Variants in BRSK2 observed in about 807,000 individuals in gnomAD.
BRSK2 encodes serine/threonine-protein kinase BRSK2.
In BRSK2, 19 loss-of-function variants were observed where a neutral mutation model predicts 83.3. The observed-to-expected ratio is 0.23, with a 90% confidence interval of 0.16 to 0.33. BRSK2 has a LOEUF of 0.33. Among genes scored for constraint, BRSK2 ranks in the 10% least tolerant of loss-of-function variants. The pLI, the probability that BRSK2 is intolerant of heterozygous loss-of-function variation, is 1.00. For missense variants in BRSK2, 798 were observed against 1,042.3 expected (o/e 0.77, Z 3.23); for synonymous variants, 519 against 435.4 (o/e 1.19, Z -2.39).
rs1387430689 is a variant in BRSK2, at chr11:1,444,976, G to A, written c.786G>A (p.Glu262=). The change falls in exon 9 of 20, where the codon GAG becomes GAA. Residue 262 remains glutamate (E), a synonymous_variant. Coordinates refer to ENST00000528841, the MANE Select transcript of BRSK2 (RefSeq NM_001256627.2). ...EVDAARRLTL[E]HIQKHIWYIG... ...CTGTTTCTCTTTCCTTGTAGCTAGA[G>A]CACATTCAGAAACACATATGGTATA... 1.9e-6 allele frequency: 3 copies of A among 1,613,146 alleles called. No homozygotes were observed. Among genetic ancestry groups the A allele is most frequent in the African/African-American group, 1.3e-5 (1 of 75,022 alleles).
intron 5 of BRSK2, 68 bp from the exon 6 acceptor site, chr11:1,443,038 C>T: frequency 6.7e-7 from 1 of 1,500,132 alleles, no homozygotes; most frequent in Non-Finnish European, 8.9e-7. Context: ...CTGCGGTGCA[C>T]CATCACCCTG....
chr11:1,426,598 G>A (rs183988015), intron 1 of BRSK2, among the ~76,000 whole-genome samples: 3 of 152,100 alleles, frequency 2.0e-5, no homozygotes, highest in African/African-American at 2.4e-5. Context: ...TGAAGGTGCC[G>A]CGTGTCTTCT....
Position 1,456,621 on chromosome 11 carries a change from G to A in BRSK2, c.1873G>A (p.Val625Met). 2 of 1,611,294 alleles carry A rather than the reference G, an allele frequency of 1.2e-6. No individual in the cohort carries two copies. The highest frequency in any genetic ancestry group is 1.7e-6 in the Non-Finnish European group (2 of 1,179,454). The change falls in exon 18 of 20, where the codon GTG becomes ATG. Residue 625 changes from valine (V) to methionine (M), a missense_variant. By Grantham distance (21) the Val-to-Met change is conservative. Coordinates refer to ENST00000528841, the MANE Select transcript of BRSK2 (RefSeq NM_001256627.2). ...LSGPSRRFKR[V>M]VETIQAQLLS... The stretch of plus-strand genomic sequence containing the variant: ...AGGCCCCAGCCGTCGCTTCAAGAGG[G>A]TGGTGGAGACCATCCAGGCCCAGCT...
chr11:1,445,493 G>T, intron 10 of BRSK2, 35 bp downstream of exon 10: 1 of 1,609,330 alleles, frequency 6.2e-7, no homozygotes, highest in Non-Finnish European at 8.5e-7. Context: ...GGGGCACGGG[G>T]CCTGAGGTGG....
chr11:1,446,704 G>A (rs1240342219), intron 12 of BRSK2, among the ~76,000 whole-genome samples: 1 of 152,228 alleles, frequency 6.6e-6, no homozygotes, highest in East Asian at 1.9e-4. Flanking sequence ...GAGGCCCTCA[G>A]CAAATCCTTG....
At chr11:1,415,074 A>G (rs1847953193) in intron 1 of BRSK2, among the ~76,000 whole-genome samples, 1 of 147,190 alleles carries the variant, frequency 6.8e-6, no homozygotes, top group Non-Finnish European at 1.5e-5. Context: ...TAGACCTCAG[A>G]GTGGTAATTC....
intron 1 of BRSK2, chr11:1,411,577 C>T (rs774172139): frequency 2.8e-5 from 44 of 1,583,034 alleles, no homozygotes; most frequent in South Asian, 4.5e-5. Context: ...CTGCTCCAGC[C>T]GCACCTCCAC....
chr11:1,454,695 AG>A lies in BRSK2; in HGVS notation c.1668+89del. 2.0e-6 allele frequency: 3 copies of A among 1,534,148 alleles called. No individual in the cohort carries two copies. Among genetic ancestry groups the A allele is most frequent in the Non-Finnish European group, 2.7e-6 (3 of 1,125,432 alleles). ...GAGAATCCAGCCTCCTCACGTAGAC[AG>A]GACATGTCCACGCGCACAGCACGGA... On this transcript the variant is annotated intron_variant, in intron 16 of 19. Coordinates refer to ENST00000528841, the MANE Select transcript of BRSK2 (RefSeq NM_001256627.2). This position sits in a 1 kb window ranked among gnomAD's most constrained non-coding sequence, Gnocchi z 5.2.
chr11:1,460,018 C>T (rs942495495), intron 19 of BRSK2, among the ~76,000 whole-genome samples: 1 of 151,770 alleles, frequency 6.6e-6, no homozygotes, highest in Non-Finnish European at 1.5e-5. Context: ...TCAGAGCTCC[C>T]AGCAGGCCCT....
chr11:1,455,627 G>C (rs985415212), intron 16 of BRSK2, among the ~76,000 whole-genome samples: 2 of 152,018 alleles, frequency 1.3e-5, no homozygotes, highest in African/African-American at 4.8e-5. Context: ...CTTGGACCCT[G>C]GCCTCAGGGG....
At chr11:1,407,002 C>A (rs1846925210) in intron 1 of BRSK2, among the ~76,000 whole-genome samples, 1 of 152,164 alleles carries the variant, frequency 6.6e-6, no homozygotes, top group African/African-American at 2.4e-5. Flanking sequence ...GTCTGTGCAT[C>A]CTTGTCTGCC....
intron 18 of BRSK2, among the ~76,000 whole-genome samples, chr11:1,457,593 C>T (rs1448461704): frequency 2.0e-5 from 3 of 152,140 alleles, no homozygotes; most frequent in African/African-American, 2.4e-5. Context: ...TGCCTCTGAA[C>T]GCTGGTACGG....
At chr11:1,426,726 A>C (rs899386378) in intron 1 of BRSK2, among the ~76,000 whole-genome samples, 1 of 152,126 alleles carries the variant, frequency 6.6e-6, no homozygotes. Context: ...TGGGGGCAAC[A>C]GATGGGCCAG....
intron 1 of BRSK2, among the ~76,000 whole-genome samples, chr11:1,418,568 G>A: frequency 6.6e-6 from 1 of 151,710 alleles, no homozygotes. Flanking sequence ...CTTGAGAGTG[G>A]GTCACCTGTG....
At chr11:1,425,974 C>T (rs536877881) in intron 1 of BRSK2, among the ~76,000 whole-genome samples, 1 of 152,330 alleles carries the variant, frequency 6.6e-6, no homozygotes, top group East Asian at 1.9e-4. Flanking sequence ...GGCTGAGGTT[C>T]TGCTGTCCGG....
At position 1,394,194 on chromosome 11, in the gene BRSK2, G is replaced by A. The variant is rs371081307; in HGVS notation, c.91+3819G>A. Among the ~76,000 whole-genome samples, 462 of 116,494 alleles carry A rather than the reference G, an allele frequency of 4.0e-3. 9 individuals carry two copies. The highest frequency in any genetic ancestry group is 0.017 in the Admixed American group (194 of 11,570). 76.4% of individuals were successfully genotyped at this position (116,494 alleles called of 152,430 possible). On this transcript the variant is annotated intron_variant, in intron 1 of 19. Coordinates refer to ENST00000528841, the MANE Select transcript of BRSK2 (RefSeq NM_001256627.2). ...TCCTGGAGATGGGCCCCTGGAGATG[G>A]GCCATGGAGATGGGTCCTGGAGATG...
At chr11:1,396,475 T>G (rs946097346) in intron 1 of BRSK2, among the ~76,000 whole-genome samples, 1 of 152,210 alleles carries the variant, frequency 6.6e-6, no homozygotes, top group Non-Finnish European at 1.5e-5. Context: ...TCCGGCGCTC[T>G]GGGTGCTTTG....
chr11:1,438,439 G>C lies in BRSK2; in HGVS notation c.272+48G>C. 1 of 1,556,780 alleles carries C rather than the reference G, an allele frequency of 6.4e-7. No individual in the cohort carries two copies. The highest frequency in any genetic ancestry group is 8.9e-7 in the Non-Finnish European group (1 of 1,129,400). The stretch of plus-strand genomic sequence containing the variant: ...AGCTGGGGTGGCGGAGGTGGCAGCT[G>C]TCGCTGCAGGGGTGGGTGTCTGGGG... On this transcript the variant is annotated intron_variant, in intron 3 of 19. Transcript: ENST00000528841. This position sits in a 1 kb window ranked among gnomAD's most constrained non-coding sequence, Gnocchi z 6.4.
chr11:1,439,001 TC>T, intron 3 of BRSK2, among the ~76,000 whole-genome samples: 1 of 152,300 alleles, frequency 6.6e-6, no homozygotes, highest in East Asian at 1.9e-4. Flanking sequence ...GGCAGTCTCC[TC>T]TGTGTGCTCT....
Sources: allele counts gnomAD v4.1 joint callset (sites outside exome capture counted in the v4.1 genomes callset), GRCh38; gene constraint gnomAD v4.1.1; non-coding constraint Gnocchi (gnomAD v3.1); transcripts MANE v1.5; gene names NCBI Gene and HGNC (gene_info 2026-07-23, HGNC 2026-07-21).